DBX2: variants seen among roughly 807,000 people sequenced by gnomAD.
DBX2 encodes the protein homeobox protein DBX2.
A neutral mutation model predicts 17.7 loss-of-function variants in DBX2; 16 were observed. The ratio of observed to expected loss-of-function variants is 0.90; its 90% CI spans 0.61 to 1.37. The LOEUF is 1.37. DBX2 is among the 40% of genes most tolerant of loss of function. The probability of loss-of-function intolerance (pLI) is 0.00; values close to 1 mark genes in which losing one functional copy is unlikely to be tolerated. For missense variants in DBX2, 538 were observed against 433.8 expected, an observed-to-expected ratio of 1.24 and a Z score of -2.13; for synonymous variants, 255 against 183.8, an observed-to-expected ratio of 1.39 and a Z score of -3.13.
At chr12:45,027,889 A>G (rs985078138) in intron 2 of DBX2, among the ~76,000 whole-genome samples, 2 of 152,234 alleles carry the variant, frequency 1.3e-5, no homozygotes, top group Non-Finnish European at 2.9e-5. Context: ...AGGTGTTCAT[A>G]GTCGATAAGA....
chr12:45,039,683 C>T (rs570457333), intron 1 of DBX2, among the ~76,000 whole-genome samples: 9 of 151,924 alleles, frequency 5.9e-5, no homozygotes, highest in East Asian at 5.8e-4. Flanking sequence ...CATTAACATT[C>T]GACACATCTG....
chr12:45,042,858 G>A (rs1946478961), intron 1 of DBX2, among the ~76,000 whole-genome samples: 1 of 152,160 alleles, frequency 6.6e-6, no homozygotes. Flanking sequence ...GACAGAGTCT[G>A]GCTTCCCTCC....
At chr12:45,025,979 G>C (rs1946379148) in intron 2 of DBX2, among the ~76,000 whole-genome samples, 1 of 151,782 alleles carries the variant, frequency 6.6e-6, no homozygotes, top group South Asian at 2.1e-4. Context: ...ATAAAGCAGA[G>C]GCTGCATGAG....
intron 2 of DBX2, among the ~76,000 whole-genome samples, chr12:45,029,912 A>AAATAAATG (rs1946400424): frequency 6.9e-6 from 1 of 145,922 alleles, no homozygotes. Context: ...ATAAATAAAT[A>AAATAAATG]AAAATAAAGA....
intron 2 of DBX2, among the ~76,000 whole-genome samples, chr12:45,032,485 G>T (rs1232244302): frequency 1.3e-5 from 2 of 152,114 alleles, no homozygotes; most frequent in Admixed American, 1.3e-4. Flanking sequence ...ATACTAATCA[G>T]AGCATTCCCC....
intron 1 of DBX2, among the ~76,000 whole-genome samples, chr12:45,039,277 GTATATATATATATATATATATA>G (rs58371508): frequency 0.13 from 11,733 of 90,500 alleles, 809 homozygotes; most frequent in Middle Eastern, 0.22. Context: ...TGCATTGAAG[GTATATATATATATATATATATA>G]TATATATATA....
chr12:45,035,491 G>A (rs1346620965), intron 2 of DBX2, among the ~76,000 whole-genome samples: 2 of 152,208 alleles, frequency 1.3e-5, no homozygotes, highest in African/African-American at 4.8e-5. Context: ...CTTTTACAAT[G>A]TTGGGAGAAG....
chr12:45,033,911 G>A (rs1469617679), intron 2 of DBX2, among the ~76,000 whole-genome samples: 1 of 152,158 alleles, frequency 6.6e-6, no homozygotes, highest in Non-Finnish European at 1.5e-5. Flanking sequence ...AGAAAGGACT[G>A]GGAAGCAGAT....
chr12:45,050,676 C>T lies in DBX2; in HGVS notation c.252G>A (p.Lys84=). ...TAACTTGTTCGGCTGCGGGGCACAG[C>T]TTTAGGGGAACTGGGCTAGCAGGCA... is the stretch of plus-strand genomic sequence containing the variant. ...RPLPASPVPL[K]LCPAAEQVSP... is the part of the protein sequence containing the mutation. The change falls in exon 1 of 4, where the codon AAG becomes AAA. Residue 84 remains lysine (K), a synonymous_variant. Coordinates refer to ENST00000332700, the MANE Select transcript of DBX2 (RefSeq NM_001004329.3). 1 of 1,545,574 alleles carries T rather than the reference C, an allele frequency of 6.5e-7. No individual in the cohort carries two copies. The highest frequency in any genetic ancestry group is 1.4e-5 in the African/African-American group (1 of 72,150).
rs890658741 is a variant in DBX2 at position 45,015,668 on chromosome 12, T to G, written c.*618A>C. The G allele has an allele frequency of 1.3e-5, 2 of 152,228 alleles. No homozygotes were observed. Among genetic ancestry groups the G allele is most frequent in the Admixed American group, 6.5e-5 (1 of 15,276 alleles). The allele number at this position is 152,228 out of a possible 1,614,324, so 9.4% of individuals were successfully genotyped here. A position where few individuals can be genotyped will look rare whatever the true frequency, so the allele number is the denominator to read the frequency against. On this transcript the variant is annotated 3_prime_UTR_variant, in exon 4 of 4. Transcript: ENST00000332700. ...ATATACAGAAATTCTTCTAATTTGC[T>G]TGTTAGGTTCATTTTAAATATATAT...
intron 2 of DBX2, among the ~76,000 whole-genome samples, chr12:45,035,012 T>C (rs976276356): frequency 7.9e-5 from 12 of 152,234 alleles, no homozygotes; most frequent in Non-Finnish European, 1.8e-4. Context: ...AAGTGCTCTG[T>C]GGGAAAGTAT....
Position 45,050,996 on chromosome 12 carries a change from C to T in DBX2, c.-69G>A. ...CCTGTCGCCCGGGCGCCCCGCACCG[C>T]ACCCAGAGCCGCAGCTTCTCGCCGC... On this transcript the variant is annotated 5_prime_UTR_variant, in exon 1 of 4. Transcript: ENST00000332700. 7.6e-7 allele frequency: 1 copy of T among 1,323,700 alleles called. No homozygotes were observed. The highest frequency in any genetic ancestry group is 9.6e-7 in the Non-Finnish European group (1 of 1,041,204). 82.0% of individuals were successfully genotyped at this position (1,323,700 alleles called of 1,614,324 possible). A position where few individuals can be genotyped will look rare whatever the true frequency, so the allele number is the denominator to read the frequency against.
At chr12:45,050,398 A>G in intron 1 of DBX2, 127 bp downstream of exon 1, 1 of 1,307,382 alleles carries the variant, frequency 7.6e-7, no homozygotes, top group Non-Finnish European at 1.0e-6. Context: ...AAAGCTCGAG[A>G]TGCTCCAGGA....
At chr12:45,029,847 G>C (rs1305019581) in intron 2 of DBX2, among the ~76,000 whole-genome samples, 1 of 148,416 alleles carries the variant, frequency 6.7e-6, no homozygotes, top group Non-Finnish European at 1.5e-5. Context: ...CTAGACGGCA[G>C]AGCAAGACTC....
chr12:45,041,366 T>A (rs1946470447), intron 1 of DBX2, among the ~76,000 whole-genome samples: 1 of 152,008 alleles, frequency 6.6e-6, no homozygotes, highest in Non-Finnish European at 1.5e-5. Context: ...GAACCGACAG[T>A]CTAGGGTGGA....
At chr12:45,049,970 A>AT (rs1375843806) in intron 1 of DBX2, among the ~76,000 whole-genome samples, 2 of 152,076 alleles carry the variant, frequency 1.3e-5, no homozygotes, top group African/African-American at 4.8e-5. Flanking sequence ...GTGATCCAAA[A>AT]TTTAAGAGTG....
intron 2 of DBX2, among the ~76,000 whole-genome samples, chr12:45,027,916 T>C (rs1226038903): frequency 6.6e-6 from 1 of 152,126 alleles, no homozygotes; most frequent in Non-Finnish European, 1.5e-5. Context: ...CCAAGAATAA[T>C]ACAGACAGCC....
intron 1 of DBX2, among the ~76,000 whole-genome samples, chr12:45,040,440 A>C (rs1946465183): frequency 6.6e-6 from 1 of 152,108 alleles, no homozygotes; most frequent in South Asian, 2.1e-4. Flanking sequence ...TACACCTACC[A>C]ATCAAGCTTC....
At chr12:45,019,481 CTATT>C (rs1478793177) in intron 3 of DBX2, among the ~76,000 whole-genome samples, 8 of 152,052 alleles carry the variant, frequency 5.3e-5, no homozygotes, top group African/African-American at 1.9e-4. Context: ...CAAAAAGGGA[CTATT>C]TGTTAGTAAG....
Sources: gnomAD v4.1 joint callset for allele counts (sites outside exome capture counted in the v4.1 genomes callset) on GRCh38, gnomAD v4.1.1 for gene constraint, MANE v1.5 for transcripts, NCBI Gene and HGNC (gene_info 2026-07-23, HGNC 2026-07-21) for gene names.